PRKAR2A: variants seen among roughly 807,000 people sequenced by gnomAD.
PRKAR2A encodes the protein cAMP-dependent protein kinase type II-alpha regulatory subunit.
A neutral mutation model predicts 51.9 loss-of-function variants in PRKAR2A; 29 were observed. The observed-to-expected ratio is 0.56, with a 90% CI of 0.42 to 0.76. The LOEUF (loss-of-function observed/expected upper bound fraction) is 0.76, where lower values mean the gene tolerates loss of function less well. Ranked by LOEUF, PRKAR2A falls within the 30% of genes least tolerant of loss-of-function variation. PRKAR2A has a pLI of 0.00. For synonymous variants in PRKAR2A, 178 were observed against 186.2 expected (o/e 0.96, Z 0.36); for missense variants, 445 against 512.1 (o/e 0.87, Z 1.26).
chr3:48,790,680 C>T, intron 3 of PRKAR2A, 53 bp from the exon 4 acceptor site: 1 of 1,151,198 alleles, frequency 8.7e-7, no homozygotes. Flanking sequence ...TTAAAATAAC[C>T]ACTTAAAGAT....
In PRKAR2A at chr3:48,847,309, T is replaced by A. The variant is rs1352698310; in HGVS notation, c.262+26A>T. 6.2e-7 allele frequency: 1 copy of A among 1,611,532 alleles called. No homozygotes were observed. Among genetic ancestry groups the A allele is most frequent in the East Asian group, 2.2e-5 (1 of 44,764 alleles). On this transcript the variant is annotated intron_variant, in intron 1 of 10. Transcript: ENST00000265563. The surrounding 1 kb of genome is among the most constrained non-coding windows in gnomAD (Gnocchi z 4.4). ...GACCTCTGGAGACCTCCTGCACCAC[T>A]CCCCAGGGCCCCGCCCACAGCCTAC...
chr3:48,842,267 T>C lies in PRKAR2A; in HGVS notation c.262+5068A>G, dbSNP rs572880792. On this transcript the variant is annotated intron_variant, in intron 1 of 10. Coordinates refer to ENST00000265563, the MANE Select transcript of PRKAR2A (RefSeq NM_004157.4). ...GTGATTTTTGTGCATTGATTTTGTA[T>C]CCTGAGACTTTGCTGAAGTTGCTTA... 2.8e-4 allele frequency among the ~76,000 whole-genome samples: 43 copies of C among 152,350 alleles called. No individual in the cohort carries two copies. The South Asian group carries it at 8.5e-3, about 30-fold the overall frequency.
intron 9 of PRKAR2A, among the ~76,000 whole-genome samples, chr3:48,753,755 C>G (rs2081703654): frequency 6.6e-6 from 1 of 152,174 alleles, no homozygotes; most frequent in Non-Finnish European, 1.5e-5. Context: ...TCCCCAATAT[C>G]CCAGTGCCAT....
chr3:48,782,110 A>G (rs2082206808), intron 5 of PRKAR2A, among the ~76,000 whole-genome samples: 1 of 152,182 alleles, frequency 6.6e-6, no homozygotes, highest in African/African-American at 2.4e-5. Flanking sequence ...GTTAAACTCT[A>G]GTGAGAGTGT....
intron 1 of PRKAR2A, among the ~76,000 whole-genome samples, chr3:48,825,792 T>C (rs944476425): frequency 1.3e-5 from 2 of 152,188 alleles, no homozygotes; most frequent in Admixed American, 1.3e-4. Context: ...GAATTATATA[T>C]AATAGGAATA....
At chr3:48,797,986 CTT>C (rs891664100) in intron 2 of PRKAR2A, among the ~76,000 whole-genome samples, 2 of 152,092 alleles carry the variant, frequency 1.3e-5, no homozygotes, top group Admixed American at 6.6e-5. Context: ...CAGTTTTGCT[CTT>C]GTTGCCCAGT....
intron 2 of PRKAR2A, among the ~76,000 whole-genome samples, chr3:48,801,214 AG>A (rs1462493672): frequency 6.6e-6 from 1 of 152,042 alleles, no homozygotes; most frequent in Non-Finnish European, 1.5e-5. Context: ...GTACAATGGC[AG>A]GATTTTGGCT....
At chr3:48,793,393 C>T (rs2082423986) in intron 3 of PRKAR2A, among the ~76,000 whole-genome samples, 1 of 152,134 alleles carries the variant, frequency 6.6e-6, no homozygotes, top group East Asian at 1.9e-4. Context: ...TAGGTAAATG[C>T]TAAATCAGTT....
Position 48,807,701 on chromosome 3 carries a change from C to A in PRKAR2A, c.263-17G>T. 6.2e-7 allele frequency: 1 copy of A among 1,600,950 alleles called. No individual in the cohort carries two copies. The highest frequency in any genetic ancestry group is 8.6e-7 in the Non-Finnish European group (1 of 1,169,126). Reference sequence around the variant, plus strand: ...GAACTGGAACTGCAAAATAAAGAAGCAACATTTAGTCATTATTATGTCACC... The same window carrying A: ...GAACTGGAACTGCAAAATAAAGAAGAAACATTTAGTCATTATTATGTCACC... On this transcript the variant is annotated splice_polypyrimidine_tract_variant and intron_variant, in intron 1 of 10. Transcript: ENST00000265563.
At chr3:48,801,300 C>G (rs1318462592) in intron 2 of PRKAR2A, among the ~76,000 whole-genome samples, 1 of 151,738 alleles carries the variant, frequency 6.6e-6, no homozygotes, top group East Asian at 2.0e-4. Flanking sequence ...TTACAGGCAC[C>G]TGCCACCATA....
chr3:48,796,466 C>A (rs1410259060), intron 2 of PRKAR2A, among the ~76,000 whole-genome samples: 1 of 152,116 alleles, frequency 6.6e-6, no homozygotes, highest in African/African-American at 2.4e-5. Context: ...TCTACCCTTA[C>A]AACTTTGCTC....
intron 5 of PRKAR2A, among the ~76,000 whole-genome samples, chr3:48,781,111 C>T (rs1436855184): frequency 1.3e-5 from 2 of 150,960 alleles, no homozygotes; most frequent in African/African-American, 4.9e-5. Flanking sequence ...ACTGGGACCA[C>T]AGGCGTGCAC....
At chr3:48,795,765 G>A (rs1487409649) in intron 2 of PRKAR2A, among the ~76,000 whole-genome samples, 1 of 152,016 alleles carries the variant, frequency 6.6e-6, no homozygotes, top group East Asian at 1.9e-4. Flanking sequence ...TCAATCTCCT[G>A]ACCTTGTGAT....
chr3:48,831,337 T>C (rs1057246491), intron 1 of PRKAR2A, among the ~76,000 whole-genome samples: 3 of 151,090 alleles, frequency 2.0e-5, no homozygotes, highest in Non-Finnish European at 4.4e-5. Flanking sequence ...GAACAATAAC[T>C]CTCTAGCCAC....
intron 3 of PRKAR2A, among the ~76,000 whole-genome samples, chr3:48,793,276 T>C (rs1414242883): frequency 6.6e-6 from 1 of 151,946 alleles, no homozygotes; most frequent in Admixed American, 6.6e-5. Context: ...ATCCCATATT[T>C]TGGGTCATTT....
At chr3:48,815,034 C>A (rs2082850679) in intron 1 of PRKAR2A, among the ~76,000 whole-genome samples, 1 of 152,096 alleles carries the variant, frequency 6.6e-6, no homozygotes. Flanking sequence ...ACCTCAGCCT[C>A]CCAAGTAGCT....
intron 8 of PRKAR2A, 87 bp downstream of exon 8, chr3:48,764,917 G>A (rs1264000814): frequency 1.9e-5 from 23 of 1,230,056 alleles, no homozygotes; most frequent in Non-Finnish European, 2.6e-5. Context: ...GAGCCACTGC[G>A]TCCGGCAAGA....
intron 1 of PRKAR2A, among the ~76,000 whole-genome samples, chr3:48,832,878 A>G (rs1228798774): frequency 2.6e-5 from 4 of 152,152 alleles, no homozygotes; most frequent in Non-Finnish European, 5.9e-5. Context: ...AGAGCTAAAA[A>G]CTAAGGCTGC....
At chr3:48,824,447 C>T (rs1172169797) in intron 1 of PRKAR2A, among the ~76,000 whole-genome samples, 2 of 151,678 alleles carry the variant, frequency 1.3e-5, no homozygotes, top group Non-Finnish European at 2.9e-5. Context: ...TATCCAGGTA[C>T]CATGTTCATT....
Sources: allele counts gnomAD v4.1 joint callset (sites outside exome capture counted in the v4.1 genomes callset), GRCh38; gene constraint gnomAD v4.1.1; non-coding constraint Gnocchi (gnomAD v3.1); transcripts MANE v1.5; gene names NCBI Gene and HGNC (gene_info 2026-07-23, HGNC 2026-07-21).